The following FHOD3 variants were observed in gnomAD, a reference collection of about 807,000 sequenced individuals.
FHOD3 encodes formin homology 2 domain containing 3.
In FHOD3, 90 loss-of-function variants were observed where a neutral mutation model predicts 173.0. The observed-to-expected ratio is 0.52, with a 90% CI of 0.44 to 0.62. FHOD3 has a LOEUF of 0.62. FHOD3 is among the 20% of genes least tolerant of loss of function. The probability of loss-of-function intolerance (pLI) is 0.00; values close to 1 mark genes in which losing one functional copy is unlikely to be tolerated. For missense variants in FHOD3, 1,945 were observed against 2,034.7 expected (o/e 0.96, Z 0.85); for synonymous variants, 828 against 823.0 (o/e 1.01, Z -0.10).
chr18:36,445,381 G>A lies in FHOD3; in HGVS notation c.338-56551G>A, dbSNP rs755100952. ...TGGGCTAAAAACTTCTGGGTTTTAGGCCTGCCTTTGAGTTTTGGCAGTATG... is the reference window on the plus strand; with the variant it reads ...TGGGCTAAAAACTTCTGGGTTTTAGACCTGCCTTTGAGTTTTGGCAGTATG... On this transcript the variant is annotated intron_variant, in intron 3 of 28. Coordinates refer to ENST00000590592, the MANE Select transcript of FHOD3 (RefSeq NM_001281740.3). Among the ~76,000 whole-genome samples, 65 of 152,222 alleles carry A rather than the reference G, an allele frequency of 4.3e-4. No individual in the cohort carries two copies. In the Middle Eastern group the frequency reaches 0.014, roughly 32 times the overall value.
intron 27 of FHOD3, among the ~76,000 whole-genome samples, chr18:36,768,383 C>T (rs576661525): frequency 1.3e-5 from 2 of 152,292 alleles, no homozygotes; most frequent in Admixed American, 6.5e-5. Flanking sequence ...TTTTTTCCAA[C>T]AATACAGATC....
At chr18:36,585,572 A>G (rs1407006591) in intron 6 of FHOD3, among the ~76,000 whole-genome samples, 1 of 151,992 alleles carries the variant, frequency 6.6e-6, no homozygotes, top group Non-Finnish European at 1.5e-5. Context: ...CTGTCCAGAC[A>G]GGTCTCCAGA....
intron 1 of FHOD3, among the ~76,000 whole-genome samples, chr18:36,353,448 C>T (rs2046224350): frequency 6.6e-6 from 1 of 152,142 alleles, no homozygotes; most frequent in East Asian, 1.9e-4. Context: ...AGGATAATAG[C>T]AAAACTTTCC....
chr18:36,531,354 A>G (rs953696341), intron 5 of FHOD3, among the ~76,000 whole-genome samples: 1 of 152,092 alleles, frequency 6.6e-6, no homozygotes, highest in African/African-American at 2.4e-5. Context: ...TTCCCCTTTG[A>G]TAACCTTGGC....
rs538533040 is a variant in FHOD3, at chr18:36,704,561, C to T, written c.2237-4534C>T. The stretch of plus-strand genomic sequence containing the variant: ...GTGAGCCGTGGCATCTCTTGACCTG[C>T]TGGGTTTGGGGTATCACAGTCACTC... On this transcript the variant is annotated intron_variant, in intron 17 of 28. Coordinates refer to ENST00000590592, the MANE Select transcript of FHOD3 (RefSeq NM_001281740.3). Among the ~76,000 whole-genome samples the T allele has an allele frequency of 2.4e-4, 36 of 152,266 alleles. 1 individual carries two copies. The South Asian group carries it at 7.3e-3, about 31-fold the overall frequency.
chr18:36,705,214 G>T (rs888872291), intron 17 of FHOD3, among the ~76,000 whole-genome samples: 3 of 152,146 alleles, frequency 2.0e-5, no homozygotes, highest in African/African-American at 7.2e-5. Flanking sequence ...AGCGCTGGTT[G>T]CCCTGGCCCC....
intron 3 of FHOD3, among the ~76,000 whole-genome samples, chr18:36,427,750 T>A (rs965024575): frequency 6.6e-6 from 1 of 152,118 alleles, no homozygotes; most frequent in Non-Finnish European, 1.5e-5. Context: ...ACCCAGTCAG[T>A]GTTTATGAAA....
At chr18:36,386,888 T>C (rs1196341956) in intron 3 of FHOD3, among the ~76,000 whole-genome samples, 1 of 152,160 alleles carries the variant, frequency 6.6e-6, no homozygotes, top group Non-Finnish European at 1.5e-5. Flanking sequence ...ACCCCATTCA[T>C]GGGCCAGGCA....
chr18:36,597,180 G>A (rs1489218212), intron 7 of FHOD3, among the ~76,000 whole-genome samples: 2 of 152,072 alleles, frequency 1.3e-5, no homozygotes, highest in African/African-American at 4.8e-5. Flanking sequence ...TCCCTTCCTT[G>A]AACTTCATAT....
intron 3 of FHOD3, among the ~76,000 whole-genome samples, chr18:36,470,468 A>G (rs190422086): frequency 1.4e-3 from 219 of 152,342 alleles, no homozygotes; most frequent in African/African-American, 5.2e-3. Flanking sequence ...AAGATTTGGC[A>G]TGGAACTGGG....
intron 26 of FHOD3, among the ~76,000 whole-genome samples, chr18:36,760,043 C>T (rs989842932): frequency 1.3e-5 from 2 of 152,120 alleles, no homozygotes; most frequent in Non-Finnish European, 2.9e-5. Context: ...TCTTGAAGGG[C>T]CTCAGTTTCC....
chr18:36,713,002 T>A (rs1448165725), intron 18 of FHOD3, among the ~76,000 whole-genome samples: 4 of 152,198 alleles, frequency 2.6e-5, no homozygotes, highest in Admixed American at 2.6e-4. Context: ...CCGTCAACTA[T>A]AAATTCTATA....
At chr18:36,380,392 G>A (rs1006689064) in intron 3 of FHOD3, among the ~76,000 whole-genome samples, 1 of 152,024 alleles carries the variant, frequency 6.6e-6, no homozygotes, top group African/African-American at 2.4e-5. Flanking sequence ...ATTGGGGCAA[G>A]GGATAGAGCC....
chr18:36,611,775 G>A (rs1449822746), intron 8 of FHOD3, among the ~76,000 whole-genome samples, 177 bp from the exon 9 acceptor site: 2 of 152,130 alleles, frequency 1.3e-5, no homozygotes, highest in Non-Finnish European at 2.9e-5. Context: ...AGAATATTGG[G>A]GTTCATTCTG....
At chr18:36,436,316 T>C (rs1236765653) in intron 3 of FHOD3, among the ~76,000 whole-genome samples, 1 of 152,240 alleles carries the variant, frequency 6.6e-6, no homozygotes, top group African/African-American at 2.4e-5. Flanking sequence ...AATCAGATTG[T>C]TGATTTTTTT....
intron 27 of FHOD3, among the ~76,000 whole-genome samples, chr18:36,767,078 T>C (rs899072742): frequency 6.6e-6 from 1 of 152,172 alleles, no homozygotes. Flanking sequence ...TATTTCCAAT[T>C]AAAATACCGT....
At chr18:36,739,144 A>G (rs1487352509) in intron 20 of FHOD3, among the ~76,000 whole-genome samples, 13 of 152,264 alleles carry the variant, frequency 8.5e-5, no homozygotes, top group African/African-American at 2.4e-5. Context: ...TGCCATGGCA[A>G]CAACCCACAA....
At chr18:36,725,621 T>G (rs1246448784) in intron 19 of FHOD3, among the ~76,000 whole-genome samples, 1 of 152,168 alleles carries the variant, frequency 6.6e-6, no homozygotes, top group Non-Finnish European at 1.5e-5. Context: ...GGTGTACTTG[T>G]GCCGTGCTGA....
At chr18:36,637,793 G>A (rs1172167398) in intron 10 of FHOD3, among the ~76,000 whole-genome samples, 1 of 152,126 alleles carries the variant, frequency 6.6e-6, no homozygotes, top group African/African-American at 2.4e-5. Context: ...ACAAGGATGT[G>A]GACAGGGAGA....
Sources: allele counts gnomAD v4.1 joint callset (sites outside exome capture counted in the v4.1 genomes callset), GRCh38; gene constraint gnomAD v4.1.1; transcripts MANE v1.5; gene names NCBI Gene and HGNC (gene_info 2026-07-23, HGNC 2026-07-21).